TBXT: variants seen among roughly 807,000 people sequenced by gnomAD.
TBXT encodes the protein T brachyury transcription factor.
In TBXT, 19 loss-of-function variants were observed where a neutral mutation model predicts 41.1. The observed-to-expected ratio is 0.46, with a 90% CI of 0.32 to 0.68. TBXT has a LOEUF of 0.68. TBXT is among the 30% of genes least tolerant of loss of function. The pLI is 0.03. For missense variants in TBXT, 536 were observed against 582.0 expected, an observed-to-expected ratio of 0.92 and a Z score of 0.81; for synonymous variants, 213 against 238.9, an observed-to-expected ratio of 0.89 and a Z score of 1.00.
rs113257496 is a variant in TBXT, at chr6:166,161,006, T to C, written c.908-40A>G. Reference sequence around the variant, plus strand: ...TAACAAAGTGCAATTATAGATGGTGTCTTCCAAGAACAACAAAGTACAGTG... The same window carrying C: ...TAACAAAGTGCAATTATAGATGGTGCCTTCCAAGAACAACAAAGTACAGTG... On this transcript the variant is annotated intron_variant, in intron 6 of 7. Transcript: ENST00000366876. The C allele has an allele frequency of 6.4e-4, 1,031 of 1,612,004 alleles. 18 individuals are homozygous for C. The East Asian group carries it at 0.019, about 29-fold the overall frequency.
In TBXT at chr6:166,162,578, G is replaced by A. The variant is rs1203908076; in HGVS notation, c.776C>T (p.Ala259Val). 3.1e-6 allele frequency: 5 copies of A among 1,614,034 alleles called. No homozygotes were observed. Among genetic ancestry groups the A allele is most frequent in the Non-Finnish European group, 4.2e-6 (5 of 1,180,008 alleles). The part of the protein sequence containing the change: ...LPGTSTLCPP[A>V]NPHPQFGGAL... ...ACCTCCAAACTGAGGATGAGGATTT[G>A]CAGGTGGACACAGGGTGCTGGTTCC... The change falls in exon 6 of 8, where the codon GCA becomes GTA. Residue 259 changes from alanine (A) to valine (V), a missense_variant. Coordinates refer to ENST00000366876, the MANE Select transcript of TBXT (RefSeq NM_001366285.2).
At chr6:166,162,391 C>A (rs1387019579) in intron 6 of TBXT, 56 bp downstream of exon 6, 23 of 1,600,850 alleles carry the variant, frequency 1.4e-5, no homozygotes, top group Non-Finnish European at 1.9e-5. Context: ...ATGCCTTTCC[C>A]AAAGTGGTCT....
chr6:166,163,501 A>G (rs2128522501), intron 5 of TBXT, among the ~76,000 whole-genome samples: 1 of 152,178 alleles, frequency 6.6e-6, no homozygotes, highest in East Asian at 1.9e-4. Context: ...CTCATGCCTC[A>G]GCCTCCCAAG....
chr6:166,160,723 C>T (rs1778926672), intron 7 of TBXT, 114 bp downstream of exon 7: 17 of 1,477,712 alleles, frequency 1.2e-5, no homozygotes, highest in Non-Finnish European at 1.5e-5. Flanking sequence ...AAAGACCCAA[C>T]CACCCACAGG....
rs587777303 is a variant in TBXT, at chr6:166,165,800, T to C, written c.512A>G (p.His171Arg). The C allele has an allele frequency of 6.2e-7, 1 of 1,614,184 alleles. No individual in the cohort carries two copies. The change falls in exon 3 of 8, where the codon CAC (histidine) becomes CGC (arginine). Residue 171 changes from histidine to arginine, a missense_variant. Transcript: ENST00000366876. The part of the protein sequence containing the change: ...NSLHKYEPRI[H>R]IVRVGGPQRM... ...CTGTGGACCCCCAACTCTCACTATG[T>C]GGATTCGAGGCTCATACTTATGCAA...
upstream of TBXT, chr6:166,167,857 C>T (rs539496719): frequency 1.8e-6 from 1 of 560,594 alleles, no homozygotes; most frequent in South Asian, 2.0e-5. Context: ...TCTCTGGGGA[C>T]CGAAATTCAG....
chr6:166,165,826 G>A lies in TBXT; in HGVS notation c.486C>T (p.Ser162=), dbSNP rs775129967. The A allele has an allele frequency of 1.1e-5, 18 of 1,614,196 alleles. No individual in the cohort carries two copies. Among genetic ancestry groups the A allele is most frequent in the Admixed American group, 5.0e-5 (3 of 60,014 alleles). ...GGATTCGAGGCTCATACTTATGCAA[G>A]GAGTTCAGCATGATCTGAGGGAGAC... The part of the protein sequence containing the change: ...LNGGGQIMLN[S]LHKYEPRIHI... The change falls in exon 3 of 8, where the codon TCC becomes TCT. Residue 162 remains serine (S), a synonymous_variant. Transcript: ENST00000366876.
chr6:166,158,074 A>G lies in TBXT; in HGVS notation c.*241T>C. On this transcript the variant is annotated 3_prime_UTR_variant, in exon 8 of 8. Coordinates refer to ENST00000366876, the MANE Select transcript of TBXT (RefSeq NM_001366285.2). Reference sequence around the variant, plus strand: ...AGGTTGGGCCAACTGCATCATCTCCACAGTTGGGTTCATCTGTAAGCCACC... The same window carrying G: ...AGGTTGGGCCAACTGCATCATCTCCGCAGTTGGGTTCATCTGTAAGCCACC... The G allele has an allele frequency of 1.6e-6, 1 of 628,110 alleles. No individual in the cohort carries two copies. The highest frequency in any genetic ancestry group is 2.8e-6 in the Non-Finnish European group (1 of 360,478). The allele number at this position is 628,110 out of a possible 1,614,324, so 38.9% of individuals were successfully genotyped here. A position where few individuals can be genotyped will look rare whatever the true frequency, so the allele number is the denominator to read the frequency against.
chr6:166,164,582 T>G (rs1386802846), intron 5 of TBXT, 23 bp downstream of exon 5: 1 of 1,613,886 alleles, frequency 6.2e-7, no homozygotes, highest in Non-Finnish European at 8.5e-7. Flanking sequence ...CAGAATGACA[T>G]GACAGAGTGC....
At position 166,167,584 on chromosome 6, in the gene TBXT, G is replaced by T. The variant is rs943965268; in HGVS notation, c.8C>A (p.Ser3Tyr). ...CTTTCCCGCGCTCTCGGTGCCAGGGGAGCTCATCCTCCCGTCCGGCTCCCC... is the reference window on the plus strand; with the variant it reads ...CTTTCCCGCGCTCTCGGTGCCAGGGTAGCTCATCCTCCCGTCCGGCTCCCC... MS[S>Y]PGTESAGKSL... is the part of the protein sequence containing the mutation. Residue 3 changes from serine (S) to tyrosine (Y), a missense_variant, in exon 1 of 8, where the codon TCC (serine) becomes TAC (tyrosine). Coordinates refer to ENST00000366876, the MANE Select transcript of TBXT (RefSeq NM_001366285.2). 1 of 1,560,290 alleles carries T rather than the reference G, an allele frequency of 6.4e-7. No homozygotes were observed. The highest frequency in any genetic ancestry group is 1.4e-5 in the African/African-American group (1 of 73,754).
chr6:166,160,308 A>T (rs1359339601), intron 7 of TBXT, among the ~76,000 whole-genome samples: 1 of 152,232 alleles, frequency 6.6e-6, no homozygotes, highest in Non-Finnish European at 1.5e-5. Context: ...CATATATTAA[A>T]GACTTCGAGC....
intron 6 of TBXT, among the ~76,000 whole-genome samples, chr6:166,161,906 G>C (rs998729264): frequency 2.7e-5 from 4 of 150,902 alleles, no homozygotes; most frequent in African/African-American, 9.7e-5. Flanking sequence ...CTGGGCGACA[G>C]AGCGAGACTC....
At chr6:166,162,304 G>C in intron 6 of TBXT, 143 bp downstream of exon 6, 1 of 836,500 alleles carries the variant, frequency 1.2e-6, no homozygotes, top group Non-Finnish European at 1.9e-6. Flanking sequence ...ATCTTCTCTT[G>C]AGCTACTAAA....
chr6:166,158,181 G>C lies in TBXT; in HGVS notation c.*134C>G. 1.4e-6 allele frequency: 2 copies of C among 1,422,478 alleles called. No homozygotes were observed. The highest frequency in any genetic ancestry group is 2.0e-6 in the Non-Finnish European group (2 of 1,016,888). 88.1% of individuals were successfully genotyped at this position (1,422,478 alleles called of 1,614,324 possible). A position where few individuals can be genotyped will look rare whatever the true frequency, so the allele number is the denominator to read the frequency against. ...GTGCCGTGTGCTCCTCCACTGCTTT[G>C]AAAAGGAAGTTACTGAGGCTGCATT... is the stretch of plus-strand genomic sequence containing the variant. On this transcript the variant is annotated 3_prime_UTR_variant, in exon 8 of 8. Transcript: ENST00000366876.
intron 2 of TBXT, among the ~76,000 whole-genome samples, chr6:166,166,348 G>A (rs1779111457): frequency 6.6e-6 from 1 of 152,204 alleles, no homozygotes; most frequent in African/African-American, 2.4e-5. Flanking sequence ...GCTAGACAAC[G>A]GAAGTTCCCC....
chr6:166,164,930 A>G, intron 3 of TBXT, 69 bp from the exon 4 acceptor site: 1 of 1,246,810 alleles, frequency 8.0e-7, no homozygotes, highest in Non-Finnish European at 1.2e-6. Flanking sequence ...TGGCACCAAG[A>G]AATTGAGAAA....
chr6:166,158,334 A>T lies in TBXT; in HGVS notation c.1292T>A (p.Val431Glu). The T allele has an allele frequency of 6.2e-7, 1 of 1,614,252 alleles. No individual in the cohort carries two copies. The highest frequency in any genetic ancestry group is 1.3e-5 in the African/African-American group (1 of 75,072). The stretch of plus-strand genomic sequence containing the variant: ...GCTGCTTCACATGGAAGGTGGCGAC[A>T]CAGGTGTCCATGAGGCTATGAGGCG... ...QGRLIASWTPVSPPSM is the reference protein window; with the variant it reads ...QGRLIASWTPESPPSM The change falls in exon 8 of 8, where the codon GTG becomes GAG. Residue 431 changes from valine (V) to glutamate (E), a missense_variant. Transcript: ENST00000366876.
At chr6:166,165,929 C>T (rs941124094) in intron 2 of TBXT, 89 bp from the exon 3 acceptor site, 5 of 1,589,256 alleles carry the variant, frequency 3.1e-6, no homozygotes, top group Non-Finnish European at 4.3e-6. Flanking sequence ...AGAAAGTCCT[C>T]TGGATCCCAA....
chr6:166,162,694 G>A, intron 5 of TBXT, 71 bp from the exon 6 acceptor site: 2 of 1,294,278 alleles, frequency 1.5e-6, no homozygotes, highest in South Asian at 1.3e-5. Flanking sequence ...CAGAGCCCAG[G>A]CCAGGGACTG....
Sources: allele counts gnomAD v4.1 joint callset (sites outside exome capture counted in the v4.1 genomes callset), GRCh38; gene constraint gnomAD v4.1.1; transcripts MANE v1.5; gene names NCBI Gene and HGNC (gene_info 2026-07-23, HGNC 2026-07-21).